Variants in NFX1 observed in about 807,000 individuals in gnomAD.
The protein encoded by NFX1 is transcriptional repressor NF-X1.
NFX1 carries 69 observed loss-of-function variants against 137.2 expected under a neutral mutation model. The observed-to-expected ratio is 0.50, with a 90% CI of 0.41 to 0.61. The LOEUF (loss-of-function observed/expected upper bound fraction) is 0.61. Among genes scored for constraint, NFX1 ranks in the 20% least tolerant of loss-of-function variants. The pLI is 0.00. For synonymous variants in NFX1, 495 were observed against 474.1 expected (o/e 1.04, Z -0.57); for missense variants, 1,167 against 1,391.0 (o/e 0.84, Z 2.56).
chr9:33,341,270 A>C (rs779488966), intron 12 of NFX1, among the ~76,000 whole-genome samples: 4 of 152,202 alleles, frequency 2.6e-5, no homozygotes, highest in Non-Finnish European at 5.9e-5. Context: ...CAGCAGGCAG[A>C]GGGAGAGAGC....
intron 15 of NFX1, chr9:33,348,642 T>G (rs1823523520): frequency 2.0e-6 from 1 of 490,284 alleles, no homozygotes; most frequent in African/African-American, 2.1e-5. Flanking sequence ...ACAGATAGAC[T>G]TGCTGGAGAC....
At chr9:33,366,813 A>G in intron 22 of NFX1, 39 bp downstream of exon 22, 3 of 1,596,644 alleles carry the variant, frequency 1.9e-6, no homozygotes, top group African/African-American at 1.3e-5. Context: ...ACTCCTAAGC[A>G]GGGCAAACTG....
rs769407132 is a variant in NFX1 at position 33,351,680 on chromosome 9, G to A, written c.2545G>A (p.Asp849Asn). 3.1e-6 allele frequency: 5 copies of A among 1,613,998 alleles called. No homozygotes were observed. In the African/African-American group the frequency reaches 5.3e-5, roughly 17 times the overall value. Residue 849 changes from aspartate to asparagine, a missense_variant, in exon 16 of 24, where the codon GAT (aspartate) becomes AAT (asparagine). Asp to Asn is a conservative substitution (Grantham distance 23). Transcript: ENST00000379540. ...CTGTCACAAAGGGGAGTGTCTTGTG[G>A]ATGAGCCCTGCAAGCAGCCCTGCAC... is the stretch of plus-strand genomic sequence containing the variant. ...RLCHKGECLV[D>N]EPCKQPCTTP...
intron 7 of NFX1, among the ~76,000 whole-genome samples, chr9:33,317,875 C>A (rs1029340677): frequency 7.1e-6 from 1 of 140,854 alleles, no homozygotes; most frequent in African/African-American, 2.6e-5. Context: ...ACTTGGGAGG[C>A]TGAGGCAAGA....
chr9:33,294,665 C>G lies in NFX1; in HGVS notation c.271C>G (p.Pro91Ala). ...TCAGCAGACGTCTTTCCAGTCCTCT[C>G]CTTGTAATAAATCGCCCAAGAGCCA... ...KSQQTSFQSSPCNKSPKSHGL... is the reference protein window; with the variant it reads ...KSQQTSFQSSACNKSPKSHGL... Residue 91 changes from proline to alanine, a missense_variant, in exon 2 of 24, where the codon CCT (proline) becomes GCT (alanine). Pro to Ala is a conservative substitution (Grantham distance 27, BLOSUM62 -1). Coordinates refer to ENST00000379540, the MANE Select transcript of NFX1 (RefSeq NM_002504.6). The G allele has an allele frequency of 6.2e-7, 1 of 1,614,186 alleles. No homozygotes were observed. Among genetic ancestry groups the G allele is most frequent in the Non-Finnish European group, 8.5e-7 (1 of 1,180,038 alleles).
chr9:33,339,329 A>C (rs1226707411), intron 12 of NFX1, among the ~76,000 whole-genome samples: 2 of 152,184 alleles, frequency 1.3e-5, no homozygotes, highest in Non-Finnish European at 2.9e-5. Flanking sequence ...TCTCACATGG[A>C]TAGCAGCAGG....
intron 19 of NFX1, among the ~76,000 whole-genome samples, chr9:33,358,343 C>T (rs563226447): frequency 6.6e-6 from 1 of 152,222 alleles, no homozygotes; most frequent in East Asian, 1.9e-4. Flanking sequence ...CCAGGACAGT[C>T]TCAATCTCCT....
At chr9:33,327,618 G>T (rs1193487459) in intron 9 of NFX1, among the ~76,000 whole-genome samples, 2 of 152,136 alleles carry the variant, frequency 1.3e-5, no homozygotes, top group Non-Finnish European at 2.9e-5. Flanking sequence ...GCCCACCTCG[G>T]TCTCCCAAAG....
At chr9:33,333,358 A>G (rs943029472) in intron 11 of NFX1, among the ~76,000 whole-genome samples, 1 of 152,190 alleles carries the variant, frequency 6.6e-6, no homozygotes, top group Non-Finnish European at 1.5e-5. Flanking sequence ...ACCTGATAGG[A>G]TATCTGGAGG....
At chr9:33,352,819 G>A in intron 17 of NFX1, 100 bp downstream of exon 17, 1 of 815,594 alleles carries the variant, frequency 1.2e-6, no homozygotes, top group Non-Finnish European at 1.9e-6. Context: ...AGTGGGAGTG[G>A]AGAAGAAACG....
chr9:33,301,207 A>G, intron 2 of NFX1, 56 bp from the exon 3 acceptor site: 1 of 1,490,320 alleles, frequency 6.7e-7, no homozygotes, highest in South Asian at 1.2e-5. Context: ...GATTAAAGTG[A>G]GGAATGGTTT....
At position 33,369,353 on chromosome 9, in the gene NFX1, A is replaced by G. The variant is rs185080709; in HGVS notation, c.3291-553A>G. On this transcript the variant is annotated intron_variant, in intron 23 of 23. Transcript: ENST00000379540. ...GCTGAGATTACAGGCGTGAGCCACC[A>G]CACCTGGCCATCCCATGCTATCTTT... 3.6e-3 allele frequency among the ~76,000 whole-genome samples: 546 copies of G among 151,920 alleles called. 4 individuals are homozygous for G. The highest frequency in any genetic ancestry group is 5.0e-3 in the Non-Finnish European group (338 of 67,948).
chr9:33,315,675 C>A (rs1011868410), intron 7 of NFX1, among the ~76,000 whole-genome samples: 5 of 150,118 alleles, frequency 3.3e-5, no homozygotes, highest in Non-Finnish European at 7.4e-5. Flanking sequence ...TCACTTGAGC[C>A]TAGGAGTTTG....
At chr9:33,309,918 G>T (rs1243895089) in intron 5 of NFX1, among the ~76,000 whole-genome samples, 1 of 152,168 alleles carries the variant, frequency 6.6e-6, no homozygotes, top group Non-Finnish European at 1.5e-5. Flanking sequence ...TGAGATATTT[G>T]ACATAACCTA....
intron 3 of NFX1, among the ~76,000 whole-genome samples, chr9:33,301,723 A>G (rs189902170): frequency 1.3e-5 from 2 of 152,292 alleles, no homozygotes; most frequent in Admixed American, 6.5e-5. Flanking sequence ...CTGTGGATAC[A>G]TAAACAGAAG....
intron 15 of NFX1, 133 bp from the exon 16 acceptor site, chr9:33,351,427 C>T: frequency 3.7e-6 from 3 of 802,338 alleles, no homozygotes; most frequent in South Asian, 1.7e-5. Flanking sequence ...GCCTGGGCAA[C>T]AGTGAAACCC....
chr9:33,340,554 C>T (rs1046611093), intron 12 of NFX1, among the ~76,000 whole-genome samples: 1 of 152,202 alleles, frequency 6.6e-6, no homozygotes, highest in African/African-American at 2.4e-5. Flanking sequence ...ACATTTGGCT[C>T]CTTGTCACTT....
At chr9:33,298,769 A>T (rs1414550172) in intron 2 of NFX1, among the ~76,000 whole-genome samples, 2 of 152,012 alleles carry the variant, frequency 1.3e-5, no homozygotes, top group African/African-American at 4.8e-5. Flanking sequence ...GGGTGACAGA[A>T]TAAGAACCTG....
chr9:33,361,368 A>ATG (rs1342145886), intron 19 of NFX1, among the ~76,000 whole-genome samples: 1 of 152,208 alleles, frequency 6.6e-6, no homozygotes, highest in African/African-American at 2.4e-5. Flanking sequence ...CATGATGTGT[A>ATG]TGTATACATT....
Sources: gnomAD v4.1 joint callset for allele counts (sites outside exome capture counted in the v4.1 genomes callset) on GRCh38, gnomAD v4.1.1 for gene constraint, MANE v1.5 for transcripts, NCBI Gene and HGNC (gene_info 2026-07-23, HGNC 2026-07-21) for gene names.